RBFOX1: variants seen among roughly 807,000 people sequenced by gnomAD.
RBFOX1 encodes RNA binding protein fox-1 homolog 1.
A neutral mutation model predicts 57.7 loss-of-function variants in RBFOX1; 8 were observed. The observed-to-expected ratio is 0.14, with a 90% CI of 0.08 to 0.25. The LOEUF is 0.25. Among genes scored for constraint, RBFOX1 ranks in the 10% least tolerant of loss-of-function variants. The pLI, the probability that RBFOX1 is intolerant of heterozygous loss-of-function variation, is 1.00. For synonymous variants in RBFOX1, 326 were observed against 222.4 expected (o/e 1.47, Z -4.15); for missense variants, 611 against 548.5 (o/e 1.11, Z -1.14).
intron 3 of RBFOX1, among the ~76,000 whole-genome samples, chr16:6,668,914 A>G (rs2098748293): frequency 6.6e-6 from 1 of 152,238 alleles, no homozygotes; most frequent in African/African-American, 2.4e-5. Context: ...TTTTTCAAAG[A>G]TTGTTCTGTC....
At chr16:5,328,791 A>C (rs1021143204) in intron 1 of RBFOX1, among the ~76,000 whole-genome samples, 1 of 152,190 alleles carries the variant, frequency 6.6e-6, no homozygotes, top group Non-Finnish European at 1.5e-5. Context: ...TCAGATTTTT[A>C]CATGCAAGAA....
At chr16:7,257,211 C>G (rs1360395775) in intron 4 of RBFOX1, among the ~76,000 whole-genome samples, 1 of 152,100 alleles carries the variant, frequency 6.6e-6, no homozygotes, top group South Asian at 2.1e-4. Context: ...TAACATCTTC[C>G]CATCCCCGGG....
chr16:6,484,955 ATTGT>A (rs2095443159), intron 2 of RBFOX1, among the ~76,000 whole-genome samples: 2 of 152,152 alleles, frequency 1.3e-5, no homozygotes, highest in African/African-American at 2.4e-5. Context: ...TGGGTAGTAA[ATTGT>A]TTGGCTTAAA....
intron 2 of RBFOX1, among the ~76,000 whole-genome samples, chr16:5,483,276 C>T (rs996235196): frequency 2.0e-5 from 3 of 152,148 alleles, no homozygotes; most frequent in Admixed American, 1.3e-4. Flanking sequence ...ACATGTGGCA[C>T]GTACTCCCAC....
chr16:7,649,149 T>G (rs569634291), intron 11 of RBFOX1, among the ~76,000 whole-genome samples: 1 of 152,200 alleles, frequency 6.6e-6, no homozygotes, highest in South Asian at 2.1e-4. Context: ...CCATAGACAG[T>G]AGGATGTTCC....
intron 4 of RBFOX1, among the ~76,000 whole-genome samples, chr16:7,457,060 T>G (rs928988013): frequency 6.6e-6 from 1 of 152,100 alleles, no homozygotes; most frequent in Admixed American, 6.6e-5. Context: ...GCTAATTTTG[T>G]ATTTTTAGTA....
chr16:7,542,060 G>C (rs191649519), intron 5 of RBFOX1, among the ~76,000 whole-genome samples: 1 of 152,154 alleles, frequency 6.6e-6, no homozygotes, highest in African/African-American at 2.4e-5. Context: ...GGCAGCTTTC[G>C]TGGGGGTACC....
chr16:6,277,663 C>T (rs1416800221), intron 1 of RBFOX1, among the ~76,000 whole-genome samples: 1 of 52,776 alleles, frequency 1.9e-5, no homozygotes, highest in African/African-American at 6.0e-5. Flanking sequence ...AAGACCTTGT[C>T]TCAAAAAAAA....
chr16:6,905,552 CAAAA>C (rs55769867), intron 3 of RBFOX1, among the ~76,000 whole-genome samples: 1 of 143,358 alleles, frequency 7.0e-6, no homozygotes, highest in Non-Finnish European at 1.5e-5. Flanking sequence ...GACTCCATCT[CAAAA>C]AAAAAAAAAA....
intron 2 of RBFOX1, among the ~76,000 whole-genome samples, chr16:6,561,753 A>G (rs1192244063): frequency 6.6e-6 from 1 of 152,222 alleles, no homozygotes; most frequent in African/African-American, 2.4e-5. Context: ...AATTATTGGT[A>G]ACATAATATG....
chr16:5,521,368 T>TGGGGG (rs1172599362), intron 2 of RBFOX1, among the ~76,000 whole-genome samples: 1 of 13,458 alleles, frequency 7.4e-5, no homozygotes, highest in Non-Finnish European at 1.3e-4. Context: ...TGGGGTGGGG[T>TGGGGG]GGGGGGGTGG....
At chr16:7,243,059 T>C (rs1366608653) in intron 4 of RBFOX1, among the ~76,000 whole-genome samples, 1 of 152,210 alleles carries the variant, frequency 6.6e-6, no homozygotes, top group African/African-American at 2.4e-5. Context: ...GGTAATATAA[T>C]AATATATTCC....
intron 4 of RBFOX1, among the ~76,000 whole-genome samples, chr16:5,904,429 C>G (rs1230340215): frequency 6.6e-6 from 1 of 151,838 alleles, no homozygotes; most frequent in East Asian, 2.0e-4. Flanking sequence ...TTTCACTCTG[C>G]CCTCAGGGCA....
At chr16:5,334,930 A>C (rs2064857573) in intron 1 of RBFOX1, among the ~76,000 whole-genome samples, 1 of 152,042 alleles carries the variant, frequency 6.6e-6, no homozygotes, top group African/African-American at 2.4e-5. Context: ...CATGGAAAGA[A>C]TAGTTTTGTT....
At chr16:6,636,281 C>A (rs1252203923) in intron 2 of RBFOX1, among the ~76,000 whole-genome samples, 1 of 152,140 alleles carries the variant, frequency 6.6e-6, no homozygotes, top group Non-Finnish European at 1.5e-5. Context: ...TGCCATTCTC[C>A]TGCCTCAGCC....
intron 3 of RBFOX1, among the ~76,000 whole-genome samples, chr16:6,965,149 A>G (rs925615576): frequency 3.9e-5 from 6 of 152,228 alleles, no homozygotes; most frequent in East Asian, 3.9e-4. Flanking sequence ...GCCAAGGGCA[A>G]CTGTACTGCT....
intron 7 of RBFOX1, among the ~76,000 whole-genome samples, chr16:7,594,528 A>G (rs896109721): frequency 2.6e-5 from 4 of 152,208 alleles, no homozygotes; most frequent in Non-Finnish European, 5.9e-5. Flanking sequence ...ACTTAGGAAC[A>G]ATGTCAGTGA....
chr16:6,444,480 ATGAG>A (rs2094446343), intron 2 of RBFOX1, among the ~76,000 whole-genome samples: 1 of 152,090 alleles, frequency 6.6e-6, no homozygotes, highest in Non-Finnish European at 1.5e-5. Context: ...AATAAGTCTC[ATGAG>A]ATCTGATGGT....
chr16:5,312,534 C>G (rs930750131), intron 1 of RBFOX1, among the ~76,000 whole-genome samples: 4 of 152,128 alleles, frequency 2.6e-5, no homozygotes, highest in African/African-American at 9.7e-5. Context: ...CCAGGCTGGT[C>G]TTGAACTCCT....
Sources: gnomAD v4.1 joint callset for allele counts (sites outside exome capture counted in the v4.1 genomes callset) on GRCh38, gnomAD v4.1.1 for gene constraint, MANE v1.5 for transcripts, NCBI Gene and HGNC (gene_info 2026-07-23, HGNC 2026-07-21) for gene names.